Variants in APBB1IP observed in about 807,000 individuals in gnomAD.
APBB1IP encodes amyloid beta precursor protein binding family B member 1 interacting protein.
A neutral mutation model predicts 64.9 loss-of-function variants in APBB1IP; 27 were observed. That is an observed-to-expected ratio of 0.42 (90% CI 0.31 to 0.57). APBB1IP has a LOEUF of 0.57. Among genes scored for constraint, APBB1IP ranks in the 20% least tolerant of loss-of-function variants. APBB1IP has a pLI of 0.20. For synonymous variants in APBB1IP, 392 were observed against 331.0 expected, an observed-to-expected ratio of 1.18 and a Z score of -2.00; for missense variants, 812 against 845.5, an observed-to-expected ratio of 0.96 and a Z score of 0.49.
At chr10:26,445,719 G>C (rs190177127) in intron 2 of APBB1IP, among the ~76,000 whole-genome samples, 1 of 152,328 alleles carries the variant, frequency 6.6e-6, no homozygotes, top group Non-Finnish European at 1.5e-5. Context: ...ATCCAAACCA[G>C]ATTTGGAAGA....
intron 10 of APBB1IP, among the ~76,000 whole-genome samples, chr10:26,540,769 C>CA: frequency 6.6e-6 from 1 of 152,290 alleles, no homozygotes; most frequent in Non-Finnish European, 1.5e-5. Context: ...CTGCAGTCTT[C>CA]ACAGTGCCTG....
intron 6 of APBB1IP, among the ~76,000 whole-genome samples, chr10:26,505,126 G>A (rs1172423409): frequency 6.6e-6 from 1 of 152,162 alleles, no homozygotes; most frequent in Non-Finnish European, 1.5e-5. Flanking sequence ...GCTAAGAGTT[G>A]TGTGAATTGT....
chr10:26,551,058 G>T (rs1005452120), intron 11 of APBB1IP, among the ~76,000 whole-genome samples: 2 of 152,190 alleles, frequency 1.3e-5, no homozygotes, highest in Non-Finnish European at 2.9e-5. Flanking sequence ...AGCCGGTCAG[G>T]CTCTCAGGTC....
At chr10:26,454,910 A>T (rs772524189) in intron 2 of APBB1IP, among the ~76,000 whole-genome samples, 1 of 152,210 alleles carries the variant, frequency 6.6e-6, no homozygotes, top group African/African-American at 2.4e-5. Flanking sequence ...CAAAAGAGAG[A>T]CAATAACAGG....
chr10:26,484,659 T>TA (rs1835871611), intron 2 of APBB1IP, among the ~76,000 whole-genome samples: 1 of 152,170 alleles, frequency 6.6e-6, no homozygotes, highest in Non-Finnish European at 1.5e-5. Context: ...TCTGTTTTAT[T>TA]AAAAAATTCC....
rs140570947 is a variant in APBB1IP, at chr10:26,500,866, G to C, written c.208G>C (p.Asp70His). ...EDQDLDALMA[D>H]LVADISEAEQ... ...CCAAGATTTAGATGCTCTCATGGCA[G>C]ATCTGGTAGCAGACATAAGTGAGGC... The change falls in exon 5 of 15, where the codon GAT becomes CAT. Residue 70 changes from aspartate to histidine, a missense_variant. Physicochemically the swap from Asp to His is moderately conservative, Grantham distance 81. This residue lies in a region of APBB1IP where 394 missense variants were observed against 413.1 expected (regional missense o/e 0.95). Coordinates refer to ENST00000376236, the MANE Select transcript of APBB1IP (RefSeq NM_019043.4). 1.2e-6 allele frequency: 2 copies of C among 1,614,044 alleles called. No individual in the cohort carries two copies. Among genetic ancestry groups the C allele is most frequent in the Non-Finnish European group, 1.7e-6 (2 of 1,180,026 alleles).
At chr10:26,518,739 C>T (rs971085606) in intron 8 of APBB1IP, among the ~76,000 whole-genome samples, 8 of 152,182 alleles carry the variant, frequency 5.3e-5, no homozygotes, top group Non-Finnish European at 4.4e-5. Flanking sequence ...TGCTCAAATC[C>T]TTTGCCATGA....
chr10:26,545,372 C>G (rs531270658), intron 11 of APBB1IP, among the ~76,000 whole-genome samples: 3 of 152,314 alleles, frequency 2.0e-5, no homozygotes, highest in Admixed American at 2.0e-4. Flanking sequence ...TGCTTGTAAT[C>G]CCAGCACTTT....
At position 26,492,398 on chromosome 10, in the gene APBB1IP, G is replaced by A; in HGVS notation, c.72G>A (p.Gln24=). Residue 24 remains glutamine (Q), a splice_region_variant and synonymous_variant, in exon 3 of 15, where the codon CAG becomes CAA. Coordinates refer to ENST00000376236, the MANE Select transcript of APBB1IP (RefSeq NM_019043.4). Reference sequence around the variant, plus strand: ...TGGGAGAGATGGATCTTCTGACTCAGGTAAACTTCCCTTTTTAACTGGCAA... The same window carrying A: ...TGGGAGAGATGGATCTTCTGACTCAAGTAAACTTCCCTTTTTAACTGGCAA... ...TLLGEMDLLT[Q]SLGVDTLPPP... is the part of the protein sequence containing the mutation. 6.2e-7 allele frequency: 1 copy of A among 1,613,594 alleles called. No individual in the cohort carries two copies. Among genetic ancestry groups the A allele is most frequent in the East Asian group, 2.2e-5 (1 of 44,840 alleles).
In APBB1IP at chr10:26,506,253, G is replaced by T. The variant is rs1047090053; in HGVS notation, c.531+2979G>T. Among the ~76,000 whole-genome samples the T allele has an allele frequency of 2.8e-3, 367 of 131,902 alleles. 5 individuals are homozygous for T. Among genetic ancestry groups the T allele is most frequent in the South Asian group, 6.6e-3 (26 of 3,944 alleles). 86.5% of individuals were successfully genotyped at this position (131,902 alleles called of 152,430 possible). On this transcript the variant is annotated intron_variant, in intron 6 of 14. Transcript: ENST00000376236. The stretch of plus-strand genomic sequence containing the variant: ...GCTTAACACTACCGTGTGTGTGTGG[G>T]GGGGGGGGGTGGGGGGCAAGGTCTT...
At chr10:26,521,877 A>C (rs1836405818) in intron 8 of APBB1IP, among the ~76,000 whole-genome samples, 1 of 152,128 alleles carries the variant, frequency 6.6e-6, no homozygotes, top group Non-Finnish European at 1.5e-5. Context: ...CAGTCTCCTG[A>C]GTAGCTGGGA....
intron 5 of APBB1IP, among the ~76,000 whole-genome samples, chr10:26,502,569 G>T (rs1342446800): frequency 4.6e-5 from 7 of 151,866 alleles, no homozygotes; most frequent in Non-Finnish European, 8.8e-5. Flanking sequence ...GTGAACCCAG[G>T]AGGCGGAGCT....
At chr10:26,558,694 G>C (rs762961317) in intron 11 of APBB1IP, among the ~76,000 whole-genome samples, 1 of 151,840 alleles carries the variant, frequency 6.6e-6, no homozygotes, top group Non-Finnish European at 1.5e-5. Context: ...GAAGGATTGC[G>C]TGAGCCCAGG....
At chr10:26,525,965 A>T in intron 8 of APBB1IP, among the ~76,000 whole-genome samples, 1 of 152,164 alleles carries the variant, frequency 6.6e-6, no homozygotes, top group African/African-American at 2.4e-5. Flanking sequence ...CGCCTGTCTC[A>T]CAAGGATCCT....
intron 2 of APBB1IP, among the ~76,000 whole-genome samples, chr10:26,485,351 A>C (rs1564357813): frequency 6.6e-6 from 1 of 152,166 alleles, no homozygotes; most frequent in African/African-American, 2.4e-5. Flanking sequence ...AGCCATGTAG[A>C]ACATGTAGCC....
chr10:26,567,474 G>A lies in APBB1IP; in HGVS notation c.1987G>A (p.Gly663Ser). Residue 663 changes from glycine to serine, a missense_variant, in exon 15 of 15, where the codon GGC (glycine) becomes AGC (serine). This residue lies in a region of APBB1IP where 381 missense variants were observed against 352.1 expected (regional missense o/e 1.08). Transcript: ENST00000376236. ...DLMKALQKKRGNVS is the reference protein window; with the variant it reads ...DLMKALQKKRSNVS ...CATGAAAGCTTTGCAAAAGAAGAGA[G>A]GCAACGTGTCCTAGGGACGGGCATG... 1 of 1,584,462 alleles carries A rather than the reference G, an allele frequency of 6.3e-7. No homozygotes were observed. The highest frequency in any genetic ancestry group is 8.6e-7 in the Non-Finnish European group (1 of 1,160,204).
intron 2 of APBB1IP, among the ~76,000 whole-genome samples, chr10:26,459,478 G>T (rs1274273090): frequency 6.6e-6 from 1 of 152,114 alleles, no homozygotes. Context: ...GGGTCAAATG[G>T]TATTTCTAGT....
intron 3 of APBB1IP, among the ~76,000 whole-genome samples, chr10:26,492,633 T>C (rs1477668216): frequency 6.6e-6 from 1 of 152,094 alleles, no homozygotes; most frequent in African/African-American, 2.4e-5. Flanking sequence ...AGGCATCACA[T>C]GTCGGCAGGT....
intron 8 of APBB1IP, among the ~76,000 whole-genome samples, chr10:26,516,124 G>T (rs1387096669): frequency 6.6e-6 from 1 of 152,110 alleles, no homozygotes; most frequent in Non-Finnish European, 1.5e-5. Flanking sequence ...TCTGTGACAG[G>T]TCTCAATCAG....
Sources: gnomAD v4.1 joint callset for allele counts (sites outside exome capture counted in the v4.1 genomes callset) on GRCh38, gnomAD v4.1.1 for gene constraint, gnomAD v4.1.1 regional missense constraint, MANE v1.5 for transcripts, NCBI Gene and HGNC (gene_info 2026-07-23, HGNC 2026-07-21) for gene names.